SOX5: variants seen among roughly 807,000 people sequenced by gnomAD.
SOX5 encodes SRY-box transcription factor 5.
In SOX5, 9 loss-of-function variants were observed where a neutral mutation model predicts 92.0. The observed-to-expected ratio is 0.10, with a 90% CI of 0.06 to 0.17. The LOEUF is 0.17. Among genes scored for constraint, SOX5 ranks in the 10% least tolerant of loss-of-function variants. The pLI is 1.00. For synonymous variants in SOX5, 344 were observed against 336.3 expected, an observed-to-expected ratio of 1.02 and a Z score of -0.25; for missense variants, 642 against 944.5, an observed-to-expected ratio of 0.68 and a Z score of 4.20.
intron 2 of SOX5, among the ~76,000 whole-genome samples, chr12:24,306,341 G>A (rs1487564811): frequency 2.0e-5 from 3 of 152,200 alleles, no homozygotes; most frequent in Non-Finnish European, 4.4e-5. Context: ...CAGCAGCAAA[G>A]TGACTCCAAA....
chr12:24,351,776 T>C (rs992169904), intron 2 of SOX5, among the ~76,000 whole-genome samples: 3 of 152,232 alleles, frequency 2.0e-5, no homozygotes, highest in Non-Finnish European at 4.4e-5. Context: ...GGGTAATTAA[T>C]GCAGTAAGAA....
intron 3 of SOX5, among the ~76,000 whole-genome samples, chr12:24,225,478 G>A (rs1961688683): frequency 2.1e-5 from 1 of 47,660 alleles, no homozygotes. Context: ...AATTATCAGA[G>A]GTTTTTTTTT....
intron 2 of SOX5, among the ~76,000 whole-genome samples, chr12:24,364,511 CATATATATAT>C (rs58135899): frequency 0.036 from 4,033 of 110,516 alleles, 234 homozygotes; most frequent in African/African-American, 0.12. Flanking sequence ...AACATTTTTT[CATATATATAT>C]ATATATATAT....
chr12:23,712,280 G>A (rs923198604), intron 6 of SOX5, among the ~76,000 whole-genome samples: 5 of 152,164 alleles, frequency 3.3e-5, no homozygotes, highest in African/African-American at 1.2e-4. Flanking sequence ...CACATGGTCA[G>A]GAGTCTAGAG....
Position 24,057,157 on chromosome 12 carries a change from A to C in SOX5, c.-2+156186T>G, listed in dbSNP as rs115928437. Among the ~76,000 whole-genome samples the C allele has an allele frequency of 6.1e-3, 930 of 152,078 alleles. 14 individuals are homozygous for C. Among genetic ancestry groups the C allele is most frequent in the African/African-American group, 0.022 (903 of 41,510 alleles). ...GTTTCAAATAGATAAAAGAAGGAAA[A>C]AACCTAGCTACATGGACATGAGGAT... On this transcript the variant is annotated intron_variant, in intron 4 of 4. Coordinates refer to the SOX5 transcript ENST00000446891.
In SOX5 at chr12:24,007,801, A is replaced by G. The variant is rs867570761; in HGVS notation, c.-1-111777T>C. Among the ~76,000 whole-genome samples, 14 of 83,248 alleles carry G rather than the reference A, an allele frequency of 1.7e-4. 1 individual carries two copies. The highest frequency in any genetic ancestry group is 7.5e-4 in the South Asian group (2 of 2,664). 54.6% of individuals were successfully genotyped at this position (83,248 alleles called of 152,430 possible). On this transcript the variant is annotated intron_variant, in intron 4 of 4. Coordinates refer to the SOX5 transcript ENST00000446891. ...TATATACACATACGCACGCACACAC[A>G]CACACACACACACACACACACATAT...
At chr12:23,803,191 A>C (rs2095695557) in intron 3 of SOX5, among the ~76,000 whole-genome samples, 1 of 151,880 alleles carries the variant, frequency 6.6e-6, no homozygotes, top group Non-Finnish European at 1.5e-5. Flanking sequence ...TCCTTTCTTG[A>C]CCTCTTTCAA....
chr12:23,710,451 T>C (rs759158797), intron 6 of SOX5, among the ~76,000 whole-genome samples: 1 of 152,150 alleles, frequency 6.6e-6, no homozygotes, highest in Non-Finnish European at 1.5e-5. Flanking sequence ...CCAAGTATTC[T>C]TGTTGTTCAC....
intron 2 of SOX5, among the ~76,000 whole-genome samples, chr12:23,875,274 T>A (rs542754588): frequency 6.0e-4 from 64 of 106,930 alleles, no homozygotes; most frequent in African/African-American, 2.2e-3. Context: ...AGAAATTGTA[T>A]ATTAAACTTG....
intron 7 of SOX5, among the ~76,000 whole-genome samples, chr12:23,660,558 T>G (rs866277723): frequency 2.0e-5 from 3 of 152,196 alleles, no homozygotes; most frequent in African/African-American, 7.2e-5. Flanking sequence ...TGAAATCATA[T>G]TGACAAAGGA....
At chr12:23,566,204 T>C (rs1395451579) in intron 10 of SOX5, among the ~76,000 whole-genome samples, 3 of 152,210 alleles carry the variant, frequency 2.0e-5, no homozygotes, top group Non-Finnish European at 4.4e-5. Context: ...GGTTCTCTTT[T>C]CTCCGAAAAC....
intron 4 of SOX5, among the ~76,000 whole-genome samples, chr12:24,068,747 T>TATAC (rs1405470591): frequency 1.3e-3 from 93 of 71,486 alleles, no homozygotes; most frequent in Admixed American, 2.0e-3. Flanking sequence ...TATATATATA[T>TATAC]ACACACACAC....
chr12:24,185,713 T>C (rs2139340154), intron 4 of SOX5, among the ~76,000 whole-genome samples: 1 of 152,312 alleles, frequency 6.6e-6, no homozygotes, highest in South Asian at 2.1e-4. Context: ...ATAGAACCTG[T>C]TGTAAAGATT....
chr12:24,161,761 G>C (rs1952781327), intron 4 of SOX5, among the ~76,000 whole-genome samples: 1 of 152,042 alleles, frequency 6.6e-6, no homozygotes, highest in Non-Finnish European at 1.5e-5. Context: ...ATACACAGTT[G>C]TTAGTGAGGG....
At chr12:24,432,000 A>G (rs1312415261) in intron 1 of SOX5, among the ~76,000 whole-genome samples, 1 of 152,152 alleles carries the variant, frequency 6.6e-6, no homozygotes, top group Non-Finnish European at 1.5e-5. Flanking sequence ...GAGGAAAATT[A>G]TTCCACTCTT....
chr12:24,036,115 G>A (rs924237836), intron 4 of SOX5, among the ~76,000 whole-genome samples: 8 of 151,972 alleles, frequency 5.3e-5, no homozygotes, highest in Non-Finnish European at 1.2e-4. Context: ...ATTTCAAAAT[G>A]CCAATATAAT....
At chr12:23,587,558 T>C (rs1950926633) in intron 9 of SOX5, among the ~76,000 whole-genome samples, 2 of 152,136 alleles carry the variant, frequency 1.3e-5, no homozygotes, top group African/African-American at 4.8e-5. Flanking sequence ...ATAGGCACCT[T>C]GTAATGTTCA....
intron 4 of SOX5, among the ~76,000 whole-genome samples, chr12:24,159,044 A>G (rs1336018364): frequency 6.6e-6 from 1 of 151,944 alleles, no homozygotes; most frequent in African/African-American, 2.4e-5. Context: ...ATTAATTTGG[A>G]GTGATATGAT....
intron 4 of SOX5, among the ~76,000 whole-genome samples, chr12:24,118,036 AAAG>A (rs1356998969): frequency 2.3e-4 from 35 of 149,530 alleles, no homozygotes; most frequent in South Asian, 8.4e-4. Context: ...AAAAAAAAAA[AAAG>A]AAAAAAAAAA....
Sources: gnomAD v4.1 joint callset for allele counts (sites outside exome capture counted in the v4.1 genomes callset) on GRCh38, gnomAD v4.1.1 for gene constraint, MANE v1.5 for transcripts, NCBI Gene and HGNC (gene_info 2026-07-23, HGNC 2026-07-21) for gene names.